Variants in SLC44A2 observed in about 807,000 individuals in gnomAD.
The protein encoded by SLC44A2 is choline transporter-like protein 2.
A neutral mutation model predicts 90.8 loss-of-function variants in SLC44A2; 57 were observed. The observed-to-expected ratio is 0.63, with a 90% CI of 0.51 to 0.78. SLC44A2 has a LOEUF of 0.78. Among genes scored for constraint, SLC44A2 ranks in the 30% least tolerant of loss-of-function variants. SLC44A2 has a pLI of 0.00. For missense variants in SLC44A2, 794 were observed against 919.7 expected (o/e 0.86, Z 1.77); for synonymous variants, 355 against 360.7 (o/e 0.98, Z 0.18).
chr19:10,634,927 T>G, intron 11 of SLC44A2, 40 bp downstream of exon 11: 1 of 1,614,162 alleles, frequency 6.2e-7, no homozygotes, highest in Non-Finnish European at 8.5e-7. Context: ...ACATGAGGCC[T>G]TGGAGGGAGT....
intron 20 of SLC44A2, among the ~76,000 whole-genome samples, chr19:10,640,711 A>G (rs1258443432): frequency 6.6e-6 from 1 of 152,150 alleles, no homozygotes; most frequent in Non-Finnish European, 1.5e-5. Flanking sequence ...GTGAGCATTA[A>G]ACCTGAAAGC....
chr19:10,604,528 G>C (rs951015582), intron 1 of SLC44A2, among the ~76,000 whole-genome samples: 1 of 152,066 alleles, frequency 6.6e-6, no homozygotes, highest in African/African-American at 2.4e-5. Flanking sequence ...GTGGAAGAGG[G>C]GCTCACTTAT....
chr19:10,643,289 G>A lies in SLC44A2; in HGVS notation c.2025G>A (p.Leu675=). ...GACCTCTCTCCACAGTGGAGGACCTGGAGAGGAATGACGGCTCGGCCGAGA... is the reference window on the plus strand; with the variant it reads ...GACCTCTCTCCACAGTGGAGGACCTAGAGAGGAATGACGGCTCGGCCGAGA... ...DTLFLCFLED[L]ERNDGSAERP... Residue 675 remains leucine (L), a synonymous_variant, in exon 22 of 22, where the codon CTG becomes CTA. Transcript: ENST00000335757. The A allele has an allele frequency of 6.2e-7, 1 of 1,611,382 alleles. No homozygotes were observed. The highest frequency in any genetic ancestry group is 8.5e-7 in the Non-Finnish European group (1 of 1,178,634).
At chr19:10,642,276 AG>A in intron 20 of SLC44A2, 90 bp from the exon 21 acceptor site, 2 of 1,034,424 alleles carry the variant, frequency 1.9e-6, no homozygotes, top group Non-Finnish European at 3.0e-6. Context: ...CAGCAGGGGA[AG>A]GATGTGGTCC....
chr19:10,609,108 C>T lies in SLC44A2; in HGVS notation c.31+6547C>T, dbSNP rs981500821. Among the ~76,000 whole-genome samples the T allele has an allele frequency of 5.4e-5, 8 of 149,344 alleles. No individual in the cohort carries two copies. In the Admixed American group the frequency reaches 5.4e-4, roughly 10 times the overall value. On this transcript the variant is annotated intron_variant, in intron 1 of 21. Transcript: ENST00000407327. ...CAGTAGCTGGGATTACAGGCATGTG[C>T]CACCACGCCCAGCTAATTTTTGTAT...
At chr19:10,617,986 G>C (rs966348443) in intron 1 of SLC44A2, among the ~76,000 whole-genome samples, 1 of 152,072 alleles carries the variant, frequency 6.6e-6, no homozygotes, top group Non-Finnish European at 1.5e-5. Flanking sequence ...AGTTTTCTGT[G>C]TTTGCGTGAT....
At chr19:10,636,860 A>G in intron 16 of SLC44A2, 104 bp downstream of exon 16, 1 of 1,175,892 alleles carries the variant, frequency 8.5e-7, no homozygotes, top group Non-Finnish European at 1.2e-6. Context: ...AAGATAATAG[A>G]GCAGTGATGG....
chr19:10,604,654 TC>T (rs1918050318), intron 1 of SLC44A2, among the ~76,000 whole-genome samples: 1 of 151,698 alleles, frequency 6.6e-6, no homozygotes, highest in Non-Finnish European at 1.5e-5. Context: ...CCTGGGTGAG[TC>T]CGTGACCTCT....
At chr19:10,629,611 A>G (rs2066972222) in intron 4 of SLC44A2, among the ~76,000 whole-genome samples, 2 of 151,230 alleles carry the variant, frequency 1.3e-5, no homozygotes, top group South Asian at 4.2e-4. Context: ...TTATTTTGAC[A>G]CAGTGTCTCA....
Position 10,642,826 on chromosome 19 carries a change from C to T in SLC44A2, c.2014+375C>T, listed in dbSNP as rs184661102. ...CATGCCTGCTGGCTTCCCTGTTCTT[C>T]CCTGCCTCCCTCTTTCCCTCCCTTC... On this transcript the variant is annotated intron_variant, in intron 21 of 21. Transcript: ENST00000335757. 2.7e-6 allele frequency: 4 copies of T among 1,494,164 alleles called. No homozygotes were observed. In the Admixed American group the frequency reaches 9.4e-5, roughly 35 times the overall value. 92.6% of individuals were successfully genotyped at this position (1,494,164 alleles called of 1,614,324 possible).
chr19:10,634,921 G>A, intron 11 of SLC44A2, 34 bp downstream of exon 11: 2 of 1,614,156 alleles, frequency 1.2e-6, no homozygotes, highest in Non-Finnish European at 1.7e-6. Context: ...GCCCCCACAT[G>A]AGGCCTTGGA....
At chr19:10,617,768 T>G (rs913496539) in intron 1 of SLC44A2, among the ~76,000 whole-genome samples, 21 of 152,258 alleles carry the variant, frequency 1.4e-4, no homozygotes, top group Middle Eastern at 6.8e-3. Context: ...TGGCCTCCAG[T>G]ATGGTGGAGA....
intron 1 of SLC44A2, among the ~76,000 whole-genome samples, chr19:10,613,119 G>A (rs949576255): frequency 2.6e-4 from 39 of 152,096 alleles, no homozygotes; most frequent in African/African-American, 6.3e-4. Flanking sequence ...GTGCAGTGGC[G>A]TGATCACAGC....
intron 14 of SLC44A2, 127 bp downstream of exon 14, chr19:10,635,642 G>T (rs867782227): frequency 2.5e-6 from 2 of 810,158 alleles, no homozygotes; most frequent in South Asian, 1.7e-5. Context: ...TGCTAGGTGT[G>T]GGGGAGGACG....
intron 4 of SLC44A2, among the ~76,000 whole-genome samples, chr19:10,630,830 C>T (rs2066985837): frequency 6.6e-6 from 1 of 151,278 alleles, no homozygotes; most frequent in African/African-American, 2.4e-5. Flanking sequence ...ATGGTGGAAA[C>T]CCCATCTCTA....
At chr19:10,634,941 G>A in intron 11 of SLC44A2, 33 bp from the exon 12 acceptor site, 1 of 1,614,164 alleles carries the variant, frequency 6.2e-7, no homozygotes. Context: ...AGGGAGTGGG[G>A]AGCCCAGCCG....
chr19:10,637,613 T>C (rs1306659360), intron 16 of SLC44A2, 31 bp from the exon 17 acceptor site: 1 of 1,599,852 alleles, frequency 6.3e-7, no homozygotes, highest in East Asian at 2.2e-5. Context: ...TGGTGTCCCC[T>C]CACTTCCACA....
At chr19:10,607,068 C>G (rs772137920) in intron 1 of SLC44A2, among the ~76,000 whole-genome samples, 94 of 151,174 alleles carry the variant, frequency 6.2e-4, no homozygotes, top group African/African-American at 2.1e-3. Flanking sequence ...CCCGCCACCA[C>G]GCCTGGCTAA....
intron 1 of SLC44A2, 86 bp downstream of exon 1, chr19:10,625,756 G>A (rs1272043956): frequency 9.0e-7 from 1 of 1,114,408 alleles, no homozygotes; most frequent in Non-Finnish European, 1.1e-6. Context: ...CGCAGGGAAG[G>A]GGGCTGGAGG....
Sources: allele counts gnomAD v4.1 joint callset (sites outside exome capture counted in the v4.1 genomes callset), GRCh38; gene constraint gnomAD v4.1.1; transcripts MANE v1.5; gene names NCBI Gene and HGNC (gene_info 2026-07-23, HGNC 2026-07-21).